The following COX5A variants were observed in gnomAD, a reference collection of about 807,000 sequenced individuals.
COX5A encodes cytochrome c oxidase subunit 5A, mitochondrial.
In COX5A, 6 loss-of-function variants were observed where a neutral mutation model predicts 16.1. The ratio of observed to expected loss-of-function variants is 0.37; its 90% CI spans 0.20 to 0.73. The LOEUF is 0.73. COX5A is among the 30% of genes least tolerant of loss of function. The pLI is 0.50. For missense variants in COX5A, 159 were observed against 194.9 expected, an observed-to-expected ratio of 0.82 and a Z score of 1.10; for synonymous variants, 73 against 73.8, an observed-to-expected ratio of 0.99 and a Z score of 0.06.
intron 3 of COX5A, 57 bp from the exon 4 acceptor site, chr15:74,923,827 C>A: frequency 8.7e-7 from 1 of 1,144,276 alleles, no homozygotes; most frequent in Non-Finnish European, 1.3e-6. Flanking sequence ...TCTATTAATT[C>A]ATGAAATGAA....
intron 1 of COX5A, among the ~76,000 whole-genome samples, chr15:74,936,760 G>C (rs1244712410): frequency 2.0e-5 from 3 of 150,838 alleles, no homozygotes; most frequent in Non-Finnish European, 4.4e-5. Flanking sequence ...CCGAGTAGCT[G>C]GGATTACAGG....
intron 1 of COX5A, among the ~76,000 whole-genome samples, chr15:74,935,836 C>A (rs961904814): frequency 2.0e-5 from 3 of 151,804 alleles, no homozygotes; most frequent in Non-Finnish European, 4.4e-5. Context: ...GTAATCTACC[C>A]GCCACAACCT....
chr15:74,930,016 T>A (rs1382234755), intron 1 of COX5A, among the ~76,000 whole-genome samples: 1 of 150,362 alleles, frequency 6.7e-6, no homozygotes, highest in Non-Finnish European at 1.5e-5. Context: ...ACGGCGGAGG[T>A]TGCAGTGAGC....
At chr15:74,930,138 G>A (rs2065360366) in intron 1 of COX5A, among the ~76,000 whole-genome samples, 2 of 150,756 alleles carry the variant, frequency 1.3e-5, no homozygotes, top group South Asian at 2.1e-4. Flanking sequence ...ACTAAGACTA[G>A]GCCGGGCGCA....
Position 74,937,956 on chromosome 15 carries a change from C to G in COX5A, c.59G>C (p.Arg20Pro), listed in dbSNP as rs1000728707. Reference protein sequence around the residue: ...AVAATTRADPRGLLHSARTPG... With the variant: ...AVAATTRADPPGLLHSARTPG... ...GGTCCGGGCGGAGTGCAGGAGGCCT[C>G]GAGGGTCGGCCCGGGTGGTTGCGGC... The change falls in exon 1 of 5, where the codon CGA (arginine) becomes CCA (proline). Residue 20 changes from arginine (R) to proline (P), a missense_variant. Physicochemically the swap from Arg to Pro is moderately radical, Grantham distance 103 (BLOSUM62 -2). Transcript: ENST00000322347. 8.1e-7 allele frequency: 1 copy of G among 1,232,940 alleles called. No homozygotes were observed. The highest frequency in any genetic ancestry group is 1.0e-6 in the Non-Finnish European group (1 of 987,994). The allele number at this position is 1,232,940 out of a possible 1,614,324, so 76.4% of individuals were successfully genotyped here.
chr15:74,933,418 AATATC>A (rs1378615235), intron 1 of COX5A, among the ~76,000 whole-genome samples: 232 of 134,124 alleles, frequency 1.7e-3, no homozygotes, highest in Middle Eastern at 7.2e-3. Flanking sequence ...CAAAAAAAAA[AATATC>A]TATCTATCTA....
chr15:74,923,657 T>C lies in COX5A; in HGVS notation c.453A>G (p.Ter151=). 1 of 1,600,570 alleles carries C rather than the reference T, an allele frequency of 6.2e-7. No homozygotes were observed. Among genetic ancestry groups the C allele is most frequent in the East Asian group, 2.2e-5 (1 of 44,828 alleles). The change falls in exon 4 of 5, where the codon TAA becomes TAG. Residue 151 remains the stop codon, a stop_retained_variant. Transcript: ENST00000322347. ...TPEELGLDKV[*] ...GTGGTTTGTCGCTTACCCATGCGGT[T>C]TACACTTTGTCAAGGCCCAGTTCCT...
Position 74,938,018 on chromosome 15 carries a change from G to T in COX5A, c.-4C>A. ...GGCGGAGAGCGGCGCCCAGCATGAC[G>T]GCGATGGCGGCGCGCGGGCTGAGGA... On this transcript the variant is annotated 5_prime_UTR_variant, in exon 1 of 5. Transcript: ENST00000322347. 6 of 1,230,460 alleles carry T rather than the reference G, an allele frequency of 4.9e-6. No homozygotes were observed. The highest frequency in any genetic ancestry group is 6.1e-6 in the Non-Finnish European group (6 of 987,012). The allele number at this position is 1,230,460 out of a possible 1,614,324, so 76.2% of individuals were successfully genotyped here. A position where few individuals can be genotyped will look rare whatever the true frequency, so the allele number is the denominator to read the frequency against.
intron 3 of COX5A, among the ~76,000 whole-genome samples, chr15:74,924,749 T>C (rs2065336185): frequency 6.6e-6 from 1 of 152,312 alleles, no homozygotes; most frequent in Middle Eastern, 3.4e-3. Context: ...AGTTTTTTCA[T>C]TTGCCTCCAA....
intron 1 of COX5A, among the ~76,000 whole-genome samples, chr15:74,933,419 ATATCTATCTATC>A (rs56686416): frequency 0.12 from 17,435 of 143,230 alleles, 1,159 homozygotes; most frequent in East Asian, 0.27. Context: ...AAAAAAAAAA[ATATCTATCTATC>A]TATCTATCTA....
At chr15:74,931,046 ATT>A (rs2065365220) in intron 1 of COX5A, among the ~76,000 whole-genome samples, 3 of 148,118 alleles carry the variant, frequency 2.0e-5, no homozygotes, top group African/African-American at 7.6e-5. Context: ...AAAAAAAAAA[ATT>A]CTCATGTTAT....
chr15:74,925,725 T>C (rs1475310608), intron 3 of COX5A, among the ~76,000 whole-genome samples: 1 of 152,064 alleles, frequency 6.6e-6, no homozygotes, highest in East Asian at 1.9e-4. Context: ...ATTTCTACAG[T>C]ATCAACAGTT....
At position 74,919,897 on chromosome 15, in the gene COX5A, A is replaced by C. The variant is rs1824839480; in HGVS notation, c.*555T>G. ...GCAAGGGAAGAACAGGTAGGAAAGG[A>C]AAGGGGCACTAAGAGAGGAACACAC... On this transcript the variant is annotated 3_prime_UTR_variant, in exon 5 of 5. Transcript: ENST00000322347. 1 of 154,350 alleles carries C rather than the reference A, an allele frequency of 6.5e-6. No individual in the cohort carries two copies. Among genetic ancestry groups the C allele is most frequent in the East Asian group, 1.9e-4 (1 of 5,260 alleles). The allele number at this position is 154,350 out of a possible 1,614,324, so 9.6% of individuals were successfully genotyped here. A position where few individuals can be genotyped will look rare whatever the true frequency, so the allele number is the denominator to read the frequency against.
intron 4 of COX5A, among the ~76,000 whole-genome samples, 184 bp from the exon 5 acceptor site, chr15:74,920,626 T>C (rs910466255): frequency 2.6e-5 from 4 of 152,236 alleles, no homozygotes; most frequent in Admixed American, 6.5e-5. Flanking sequence ...TTGTTGTTTA[T>C]ACACTGGTAC....
intron 2 of COX5A, 107 bp from the exon 3 acceptor site, chr15:74,926,994 G>A: frequency 8.1e-7 from 1 of 1,231,554 alleles, no homozygotes; most frequent in Non-Finnish European, 1.1e-6. Context: ...ATCTGTCTGG[G>A]TCTCCATTCT....
chr15:74,935,879 C>T (rs535733911), intron 1 of COX5A, among the ~76,000 whole-genome samples: 3 of 152,108 alleles, frequency 2.0e-5, no homozygotes, highest in African/African-American at 7.2e-5. Flanking sequence ...CGTGAGCCAC[C>T]GTGTCCGGCT....
At chr15:74,921,009 A>G (rs1482965451) in intron 4 of COX5A, among the ~76,000 whole-genome samples, 1 of 152,170 alleles carries the variant, frequency 6.6e-6, no homozygotes, top group African/African-American at 2.4e-5. Flanking sequence ...AAAAAAAGTT[A>G]GTATAGCTAG....
chr15:74,927,232 AGTG>A (rs1186517901), intron 2 of COX5A, among the ~76,000 whole-genome samples: 1 of 152,042 alleles, frequency 6.6e-6, no homozygotes, highest in Non-Finnish European at 1.5e-5. Context: ...GCTGGAGTAC[AGTG>A]GTGCCACCTC....
chr15:74,932,981 C>T (rs1212087055), intron 1 of COX5A, among the ~76,000 whole-genome samples: 1 of 151,972 alleles, frequency 6.6e-6, no homozygotes, highest in Non-Finnish European at 1.5e-5. Flanking sequence ...CAGGCATGAG[C>T]CACGGTGCCC....
Sources: gnomAD v4.1 joint callset for allele counts (sites outside exome capture counted in the v4.1 genomes callset) on GRCh38, gnomAD v4.1.1 for gene constraint, MANE v1.5 for transcripts, NCBI Gene and HGNC (gene_info 2026-07-23, HGNC 2026-07-21) for gene names.